Variants in DDX42 observed in about 807,000 individuals in gnomAD.
DDX42 encodes ATP-dependent RNA helicase DDX42.
A neutral mutation model predicts 101.5 loss-of-function variants in DDX42; 22 were observed. That is an observed-to-expected ratio of 0.22 (90% CI 0.15 to 0.31). DDX42 has a LOEUF of 0.31. Among genes scored for constraint, DDX42 ranks in the 10% least tolerant of loss-of-function variants. DDX42 has a pLI of 1.00. For missense variants in DDX42, 849 were observed against 1,199.9 expected, an observed-to-expected ratio of 0.71 and a Z score of 4.32; for synonymous variants, 402 against 401.2, an observed-to-expected ratio of 1.00 and a Z score of -0.02.
rs2039999060 is a variant in DDX42, at chr17:63,818,033, C to CGTCAAA, written c.2456_2457insAAGTCA (p.Arg818_His819insGlnSer). 6.2e-7 allele frequency: 1 copy of CGTCAAA among 1,613,940 alleles called. No homozygotes were observed. The highest frequency in any genetic ancestry group is 8.5e-7 in the Non-Finnish European group (1 of 1,180,002). On this transcript the variant is annotated inframe_insertion, in exon 18 of 18. Transcript: ENST00000389924. ...ATATACTGAGAACCGGGGCAGCAGC[C>CGTCAAA]GTCACAGTCACGGAGAGACTGGCAA...
At position 63,799,582 on chromosome 17, in the gene DDX42, T is replaced by A; in HGVS notation, c.435-7T>A. The A allele has an allele frequency of 6.2e-7, 1 of 1,613,174 alleles. No homozygotes were observed. Among genetic ancestry groups the A allele is most frequent in the Non-Finnish European group, 8.5e-7 (1 of 1,179,454 alleles). On this transcript the variant is annotated splice_polypyrimidine_tract_variant and splice_region_variant and intron_variant, in intron 4 of 17. Transcript: ENST00000389924. ...AGGGAAGTTTGTTTCTCCGCTTGTT[T>A]TTCCAGGGGTATTCGAGATGACATT...
At chr17:63,813,997 G>A (rs755783700) in intron 15 of DDX42, among the ~76,000 whole-genome samples, 33 of 152,126 alleles carry the variant, frequency 2.2e-4, no homozygotes, top group Non-Finnish European at 4.3e-4. Flanking sequence ...CCACCACCAC[G>A]CCTGGCCAAT....
At chr17:63,787,878 G>A (rs372711734) in intron 2 of DDX42, among the ~76,000 whole-genome samples, 1 of 150,564 alleles carries the variant, frequency 6.6e-6, no homozygotes, top group South Asian at 2.1e-4. Flanking sequence ...CATAAATATG[G>A]CTGAAGAGTT....
rs74338263 is a variant in DDX42, at chr17:63,798,306, A to C, written c.434+207A>C. 6.6e-6 allele frequency: 3 copies of C among 451,380 alleles called. No individual in the cohort carries two copies. In the East Asian group the frequency reaches 1.1e-4, roughly 16 times the overall value. 28.0% of individuals were successfully genotyped at this position (451,380 alleles called of 1,614,324 possible). A position where few individuals can be genotyped will look rare whatever the true frequency, so the allele number is the denominator to read the frequency against. ...AATTAAAAAGCATTCAGTTTGGTAG[A>C]ATAGTATTTGGTCTTTGACTATAAA... On this transcript the variant is annotated intron_variant, in intron 4 of 17. Transcript: ENST00000389924.
At chr17:63,810,607 C>G (rs779982353) in intron 12 of DDX42, 47 bp downstream of exon 12, 1 of 1,560,810 alleles carries the variant, frequency 6.4e-7, no homozygotes, top group South Asian at 1.1e-5. Flanking sequence ...CTAAAAAGGG[C>G]ACTTATTTAT....
At position 63,800,614 on chromosome 17, in the gene DDX42, A is replaced by T; in HGVS notation, c.618A>T (p.Ser206=). The T allele has an allele frequency of 6.2e-7, 1 of 1,613,252 alleles. No individual in the cohort carries two copies. Among genetic ancestry groups the T allele is most frequent in the Non-Finnish European group, 8.5e-7 (1 of 1,179,700 alleles). The change falls in exon 6 of 18, where the codon TCA becomes TCT. Residue 206 remains serine, a synonymous_variant. Transcript: ENST00000389924. The part of the protein sequence containing the change: ...IIDPLPPIDH[S]EIDYPPFEKN... ...ATCCTCTTCCCCCCATTGATCATTC[A>T]GAGGTATGGTGTTTCTTGCTGAATT...
intron 6 of DDX42, among the ~76,000 whole-genome samples, chr17:63,803,954 G>A (rs1281712064): frequency 6.6e-6 from 1 of 152,052 alleles, no homozygotes; most frequent in African/African-American, 2.4e-5. Context: ...CAGGCCTGGA[G>A]GCAAGAATTT....
intron 1 of DDX42, among the ~76,000 whole-genome samples, chr17:63,784,788 T>G (rs1178902214): frequency 1.3e-5 from 2 of 151,928 alleles, no homozygotes; most frequent in East Asian, 3.9e-4. Context: ...AGATTTTTTT[T>G]TTTAACTCAG....
rs200037987 is a variant in DDX42, at chr17:63,805,116, G to A, written c.667G>A (p.Glu223Lys). ...AAAAAACTTTTACAATGAGCATGAA[G>A]AGATAACCAACCTCACTCCACAGCA... ...FEKNFYNEHE[E>K]ITNLTPQQLI... The change falls in exon 7 of 18, where the codon GAG becomes AAG. Residue 223 changes from glutamate to lysine, a missense_variant. Physicochemically the swap from Glu to Lys is moderately conservative, Grantham distance 56. Coordinates refer to ENST00000389924, the MANE Select transcript of DDX42 (RefSeq NM_203499.3). 8 of 1,613,044 alleles carry A rather than the reference G, an allele frequency of 5.0e-6. No individual in the cohort carries two copies. The African/African-American group carries it at 1.1e-4, about 22-fold the overall frequency.
intron 7 of DDX42, 142 bp downstream of exon 7, chr17:63,805,317 T>G: frequency 1.0e-6 from 1 of 993,488 alleles, no homozygotes; most frequent in Non-Finnish European, 1.5e-6. Flanking sequence ...ATTATATCCC[T>G]TCTGTTCATG....
At chr17:63,798,367 A>G (rs1195282567) in intron 4 of DDX42, among the ~76,000 whole-genome samples, 3 of 152,244 alleles carry the variant, frequency 2.0e-5, no homozygotes, top group African/African-American at 4.8e-5. Context: ...GAATTATAGT[A>G]GAGTTTAGGG....
At chr17:63,815,474 C>T (rs1287951080) in intron 15 of DDX42, 89 bp from the exon 16 acceptor site, 3 of 947,140 alleles carry the variant, frequency 3.2e-6, no homozygotes, top group Admixed American at 2.2e-5. Context: ...AAAGTTCCCC[C>T]TTCCCACTTA....
intron 2 of DDX42, among the ~76,000 whole-genome samples, chr17:63,788,156 T>C (rs2665853): frequency 0.7 from 105,966 of 151,218 alleles, 38,590 homozygotes; most frequent in African/African-American, 0.92. Context: ...CTGCCCGCCT[T>C]GGCCTCCCAA....
chr17:63,810,542 G>A lies in DDX42; in HGVS notation c.1282G>A (p.Val428Ile), dbSNP rs1793659537. The change falls in exon 12 of 18, where the codon GTT (valine) becomes ATT (isoleucine). Residue 428 changes from valine to isoleucine, a missense_variant. Coordinates refer to ENST00000389924, the MANE Select transcript of DDX42 (RefSeq NM_203499.3). ...EYQVRSIASH[V>I]RPDRQTLLFS... ...CCAAGTTCGATCCATAGCAAGTCAT[G>A]TTCGTCCTGACAGGCAGAGTATGTA... 2 of 1,614,030 alleles carry A rather than the reference G, an allele frequency of 1.2e-6. No homozygotes were observed. The highest frequency in any genetic ancestry group is 1.7e-6 in the Non-Finnish European group (2 of 1,179,988).
intron 12 of DDX42, 68 bp from the exon 13 acceptor site, chr17:63,811,008 A>G (rs2039903307): frequency 3.0e-6 from 4 of 1,318,720 alleles, no homozygotes; most frequent in Admixed American, 2.2e-5. Context: ...CTGAATGCCA[A>G]AGAAGCTTAA....
chr17:63,813,596 T>C (rs1025183992), intron 15 of DDX42, 142 bp downstream of exon 15: 2 of 643,752 alleles, frequency 3.1e-6, no homozygotes, highest in Non-Finnish European at 5.3e-6. Flanking sequence ...AGATAGGAAT[T>C]GTGAGATACT....
At chr17:63,795,174 A>G (rs925048046) in intron 3 of DDX42, among the ~76,000 whole-genome samples, 3 of 152,170 alleles carry the variant, frequency 2.0e-5, no homozygotes, top group African/African-American at 7.2e-5. Flanking sequence ...AAAAAGGAAG[A>G]TCTGGCAATA....
chr17:63,805,315 C>T (rs753672771), intron 7 of DDX42, 140 bp downstream of exon 7: 9 of 1,020,740 alleles, frequency 8.8e-6, no homozygotes, highest in Middle Eastern at 2.6e-4. Flanking sequence ...TTATTATATC[C>T]CTTCTGTTCA....
At chr17:63,784,262 GAAATTA>G (rs2144530418) in intron 1 of DDX42, among the ~76,000 whole-genome samples, 1 of 152,210 alleles carries the variant, frequency 6.6e-6, no homozygotes, top group African/African-American at 2.4e-5. Flanking sequence ...AAAGCTAGTG[GAAATTA>G]AAATTAAAGT....
Sources: allele counts gnomAD v4.1 joint callset (sites outside exome capture counted in the v4.1 genomes callset), GRCh38; gene constraint gnomAD v4.1.1; transcripts MANE v1.5; gene names NCBI Gene and HGNC (gene_info 2026-07-23, HGNC 2026-07-21).